PPP1R1A: variants seen among roughly 807,000 people sequenced by gnomAD.
PPP1R1A encodes protein phosphatase 1 regulatory inhibitor subunit 1A, also known as protein phosphatase 1 regulatory subunit 1A.
PPP1R1A carries 18 observed loss-of-function variants against 23.9 expected under a neutral mutation model. The ratio of observed to expected loss-of-function variants is 0.75; its 90% confidence interval spans 0.52 to 1.12. The LOEUF (loss-of-function observed/expected upper bound fraction) is 1.12. PPP1R1A is among the 50% of genes most tolerant of loss of function. The pLI is 0.00. For missense variants in PPP1R1A, 207 were observed against 223.8 expected (o/e 0.92, Z 0.48); for synonymous variants, 84 against 80.7 (o/e 1.04, Z -0.22).
chr12:54,583,148 G>A, intron 3 of PPP1R1A, 63 bp downstream of exon 3: 1 of 1,482,860 alleles, frequency 6.7e-7, no homozygotes, highest in Non-Finnish European at 9.1e-7. Context: ...GGGTTTTAAG[G>A]AATAATCCCC....
chr12:54,587,841 G>A (rs11170983), intron 1 of PPP1R1A, among the ~76,000 whole-genome samples: 36,194 of 151,694 alleles, frequency 0.24, 5,212 homozygotes, highest in Middle Eastern at 0.34. Context: ...TCTCCCTGGA[G>A]CCCCAGCCCT....
At chr12:54,588,269 C>CCCCCCCCCCCCA in intron 1 of PPP1R1A, 136 bp downstream of exon 1, 1 of 317,308 alleles carries the variant, frequency 3.2e-6, no homozygotes, top group Non-Finnish European at 5.6e-6. Context: ...CCCCCCCGCC[C>CCCCCCCCCCCCA]CCCGCAAACT....
At position 54,583,057 on chromosome 12, in the gene PPP1R1A, G is replaced by C. The variant is rs151136515; in HGVS notation, c.183+154C>G. The stretch of plus-strand genomic sequence containing the variant: ...GTGAGTGTGTGTGTGTGGGGTGCAT[G>C]TGTATATGTTCACTCATGCACATTT... On this transcript the variant is annotated intron_variant, in intron 3 of 6. Coordinates refer to ENST00000257905, the MANE Select transcript of PPP1R1A (RefSeq NM_006741.4). 3.2e-3 allele frequency among the ~76,000 whole-genome samples: 488 copies of C among 152,262 alleles called. 5 individuals carry two copies. Among genetic ancestry groups the C allele is most frequent in the African/African-American group, 0.011 (454 of 41,532 alleles).
At chr12:54,583,613 C>G (rs1005613022) in intron 2 of PPP1R1A, among the ~76,000 whole-genome samples, 1 of 152,192 alleles carries the variant, frequency 6.6e-6, no homozygotes, top group African/African-American at 2.4e-5. Flanking sequence ...ACCCCAGGGT[C>G]AGCCAGAACT....
At position 54,583,219 on chromosome 12, in the gene PPP1R1A, G is replaced by A; in HGVS notation, c.175C>T (p.His59Tyr). The A allele has an allele frequency of 1.3e-6, 2 of 1,544,602 alleles. No individual in the cohort carries two copies. Among genetic ancestry groups the A allele is most frequent in the Non-Finnish European group, 1.7e-6 (2 of 1,151,008 alleles). ...EIDEDRIPNP[H>Y]LKSTLAMSPR... Reference sequence around the variant, plus strand: ...GGGATGGGCCAGCTCACCTTGAGATGTGGGTTGGGGATCCGGTCTTCATCT... The same window carrying A: ...GGGATGGGCCAGCTCACCTTGAGATATGGGTTGGGGATCCGGTCTTCATCT... Residue 59 changes from histidine (H) to tyrosine (Y), a missense_variant, in exon 3 of 7, where the codon CAT (histidine) becomes TAT (tyrosine). Physicochemically the swap from His to Tyr is moderately conservative, Grantham distance 83 (BLOSUM62 2). Coordinates refer to ENST00000257905, the MANE Select transcript of PPP1R1A (RefSeq NM_006741.4).
At chr12:54,580,474 T>C in intron 6 of PPP1R1A, 82 bp from the exon 7 acceptor site, 1 of 1,371,084 alleles carries the variant, frequency 7.3e-7, no homozygotes. Context: ...GCCATCCCAT[T>C]TGTCAACATC....
At chr12:54,584,637 G>T (rs539159080) in intron 1 of PPP1R1A, among the ~76,000 whole-genome samples, 1 of 152,096 alleles carries the variant, frequency 6.6e-6, no homozygotes, top group East Asian at 1.9e-4. Flanking sequence ...TGGGTACTAT[G>T]TTCACTCTCT....
In PPP1R1A at chr12:54,579,896, G is replaced by A; in HGVS notation, c.*491C>T. 4 of 986,600 alleles carry A rather than the reference G, an allele frequency of 4.1e-6. No individual in the cohort carries two copies. Among genetic ancestry groups the A allele is most frequent in the Non-Finnish European group, 4.8e-6 (4 of 830,790 alleles). 61.1% of individuals were successfully genotyped at this position (986,600 alleles called of 1,614,324 possible). The stretch of plus-strand genomic sequence containing the variant: ...GCAGTTCCCCTTTTGTCCAGCAGAT[G>A]GAGCCCACCGCACAGTCACAGCTGG... On this transcript the variant is annotated 3_prime_UTR_variant, in exon 7 of 7. Coordinates refer to ENST00000257905, the MANE Select transcript of PPP1R1A (RefSeq NM_006741.4).
At position 54,588,319 on chromosome 12, in the gene PPP1R1A, C is replaced by T; in HGVS notation, c.84+86G>A. 8.8e-6 allele frequency: 9 copies of T among 1,018,130 alleles called. No homozygotes were observed. In the South Asian group the frequency reaches 1.7e-4, roughly 19 times the overall value. 63.1% of individuals were successfully genotyped at this position (1,018,130 alleles called of 1,614,324 possible). ...AAAAGGGCGCACTGCTAAGGGAGGA[C>T]TAGGCAGGGATCCTGGGTCCCACCA... On this transcript the variant is annotated intron_variant, in intron 1 of 6. Coordinates refer to ENST00000257905, the MANE Select transcript of PPP1R1A (RefSeq NM_006741.4).
chr12:54,583,604 C>T (rs1323399161), intron 2 of PPP1R1A, among the ~76,000 whole-genome samples: 1 of 152,178 alleles, frequency 6.6e-6, no homozygotes, highest in African/African-American at 2.4e-5. Flanking sequence ...CATTCCCCCA[C>T]CCCAGGGTCA....
chr12:54,586,170 G>C (rs936015843), intron 1 of PPP1R1A, among the ~76,000 whole-genome samples: 1 of 152,190 alleles, frequency 6.6e-6, no homozygotes, highest in Non-Finnish European at 1.5e-5. Flanking sequence ...GCCCAAGAAA[G>C]AGACTGCAAG....
At chr12:54,580,883 C>A (rs778670094) in intron 6 of PPP1R1A, 61 bp downstream of exon 6, 1 of 1,369,790 alleles carries the variant, frequency 7.3e-7, no homozygotes, top group Non-Finnish European at 1.0e-6. Flanking sequence ...TAGCCCCTTG[C>A]TTTTGTCCAC....
intron 1 of PPP1R1A, among the ~76,000 whole-genome samples, chr12:54,584,962 C>T (rs1256177081): frequency 6.6e-6 from 1 of 152,170 alleles, no homozygotes; most frequent in Non-Finnish European, 1.5e-5. Context: ...TCCTTCCGTC[C>T]ATCCTGGATC....
intron 1 of PPP1R1A, among the ~76,000 whole-genome samples, chr12:54,586,545 C>A (rs923327052): frequency 3.3e-5 from 5 of 152,232 alleles, no homozygotes; most frequent in African/African-American, 1.2e-4. Flanking sequence ...CTTTTGCCCT[C>A]CCATGTTGGT....
chr12:54,581,634 C>T lies in PPP1R1A; in HGVS notation c.403+342G>A, dbSNP rs546419005. ...GGCACCCTCATTATCATTTTATACC[C>T]TGAGGTTAAGTCGTTCAAGGCCTCT... On this transcript the variant is annotated intron_variant, in intron 5 of 6. Coordinates refer to ENST00000257905, the MANE Select transcript of PPP1R1A (RefSeq NM_006741.4). The surrounding 1 kb of genome is among the most constrained non-coding windows in gnomAD (Gnocchi z 4.1). Among the ~76,000 whole-genome samples, 2 of 152,258 alleles carry T rather than the reference C, an allele frequency of 1.3e-5. No homozygotes were observed. Among genetic ancestry groups the T allele is most frequent in the South Asian group, 2.1e-4 (1 of 4,814 alleles).
At chr12:54,584,815 T>C (rs1287728012) in intron 1 of PPP1R1A, among the ~76,000 whole-genome samples, 2 of 151,982 alleles carry the variant, frequency 1.3e-5, no homozygotes, top group Admixed American at 6.6e-5. Flanking sequence ...GGAGAGCTAA[T>C]CCTAAGGATC....
intron 2 of PPP1R1A, 147 bp downstream of exon 2, chr12:54,584,113 A>G: frequency 1.2e-6 from 1 of 862,152 alleles, no homozygotes. Flanking sequence ...AATATTCTGC[A>G]ATCTAGCCAC....
chr12:54,583,066 T>C (rs928385330), intron 3 of PPP1R1A, 145 bp downstream of exon 3: 2 of 822,692 alleles, frequency 2.4e-6, no homozygotes, highest in Non-Finnish European at 3.8e-6. Flanking sequence ...TGTGTATATG[T>C]TCACTCATGC....
rs962717971 is a variant in PPP1R1A at position 54,582,901 on chromosome 12, C to T, written c.184-106G>A. The T allele has an allele frequency of 5.7e-6, 7 of 1,223,648 alleles. No homozygotes were observed. In the African/African-American group the frequency reaches 9.1e-5, roughly 16 times the overall value. The allele number at this position is 1,223,648 out of a possible 1,614,324, so 75.8% of individuals were successfully genotyped here. ...CCCTCCAGCCCCCCTTGCCTTCCTC[C>T]TCTGCCTTGCCAGGCTTTTGGATTG... On this transcript the variant is annotated intron_variant, in intron 3 of 6. Transcript: ENST00000257905.
Sources: gnomAD v4.1 joint callset for allele counts (sites outside exome capture counted in the v4.1 genomes callset) on GRCh38, gnomAD v4.1.1 for gene constraint, Gnocchi (gnomAD v3.1) non-coding constraint, MANE v1.5 for transcripts, NCBI Gene and HGNC (gene_info 2026-07-23, HGNC 2026-07-21) for gene names.